Variants in PSPC1 observed in about 807,000 individuals in gnomAD.
PSPC1 encodes paraspeckle component 1.
In PSPC1, 14 loss-of-function variants were observed where a neutral mutation model predicts 51.6. The observed-to-expected ratio is 0.27, with a 90% confidence interval of 0.18 to 0.42. The LOEUF is 0.42. Ranked by LOEUF, PSPC1 falls within the 10% of genes least tolerant of loss-of-function variation. The pLI is 1.00. For synonymous variants in PSPC1, 193 were observed against 231.9 expected (o/e 0.83, Z 1.53); for missense variants, 406 against 701.1 (o/e 0.58, Z 4.75).
intron 3 of PSPC1, among the ~76,000 whole-genome samples, chr13:19,757,488 T>C (rs1887201087): frequency 6.6e-6 from 1 of 152,068 alleles, no homozygotes; most frequent in South Asian, 2.1e-4. Flanking sequence ...CCCATAAAGA[T>C]TTATGAGGAT....
At chr13:19,702,408 A>T (rs1462573173), downstream of PSPC1, 1 of 152,234 alleles carries the variant, frequency 6.6e-6, no homozygotes, top group Non-Finnish European at 1.5e-5. Flanking sequence ...TAATCGGGTA[A>T]GGTCTAGATA....
In PSPC1 at chr13:19,703,258, G is replaced by C; in HGVS notation, c.1489C>G (p.Pro497Ala). Residue 497 changes from proline to alanine, a missense_variant, in exon 9 of 9, where the codon CCT becomes GCT. By Grantham distance (27) the Pro-to-Ala change is conservative. Coordinates refer to ENST00000338910, the MANE Select transcript of PSPC1 (RefSeq NM_001354909.2). ...TPQAPMSGVG[P>A]VSGGPGGFGR... The stretch of plus-strand genomic sequence containing the variant: ...AAGCCACCAGGACCACCACTCACAG[G>C]ACCTACACCACTCATTGGTGCTTGA... The C allele has an allele frequency of 6.2e-7, 1 of 1,614,088 alleles. No individual in the cohort carries two copies. Among genetic ancestry groups the C allele is most frequent in the Non-Finnish European group, 8.5e-7 (1 of 1,179,992 alleles).
chr13:19,771,529 G>T (rs1472031148), intron 2 of PSPC1, among the ~76,000 whole-genome samples: 1 of 152,156 alleles, frequency 6.6e-6, no homozygotes, highest in Non-Finnish European at 1.5e-5. Context: ...TCTGCCTCCA[G>T]GGTTCAAGCA....
chr13:19,711,639 TAAAAAAAAAAA>T (rs143917566), intron 6 of PSPC1, among the ~76,000 whole-genome samples: 1 of 80,944 alleles, frequency 1.2e-5, no homozygotes, highest in Non-Finnish European at 2.2e-5. Context: ...CTCCGTCTCA[TAAAAAAAAAAA>T]AAAAAAAAAA....
chr13:19,780,983 A>C (rs1361322292), intron 1 of PSPC1, among the ~76,000 whole-genome samples: 2 of 151,658 alleles, frequency 1.3e-5, no homozygotes, highest in African/African-American at 4.8e-5. Flanking sequence ...ATGGCGAAAC[A>C]CCGCCTCTAC....
chr13:19,761,445 G>T (rs1487143198), intron 2 of PSPC1, among the ~76,000 whole-genome samples: 1 of 152,092 alleles, frequency 6.6e-6, no homozygotes, highest in African/African-American at 2.4e-5. Context: ...CTTCAAAACA[G>T]TGATGCTTCA....
chr13:19,729,915 T>A (rs1883840183), intron 6 of PSPC1, among the ~76,000 whole-genome samples: 1 of 152,306 alleles, frequency 6.6e-6, no homozygotes, highest in African/African-American at 2.4e-5. Flanking sequence ...ATAGAGATGT[T>A]TCAATATTAG....
At chr13:19,713,315 A>G (rs193173975) in intron 6 of PSPC1, among the ~76,000 whole-genome samples, 2 of 152,122 alleles carry the variant, frequency 1.3e-5, no homozygotes, top group Non-Finnish European at 2.9e-5. Flanking sequence ...ATGAAAACTC[A>G]GTTTTACATT....
intron 2 of PSPC1, among the ~76,000 whole-genome samples, chr13:19,762,941 A>G (rs1324889347): frequency 1.3e-5 from 2 of 152,054 alleles, no homozygotes; most frequent in East Asian, 3.9e-4. Context: ...CCCCGTCTCT[A>G]CTAAATACAA....
intron 4 of PSPC1, among the ~76,000 whole-genome samples, chr13:19,747,582 C>CT (rs1566023201): frequency 6.6e-6 from 1 of 152,168 alleles, no homozygotes; most frequent in Non-Finnish European, 1.5e-5. Flanking sequence ...ATCCTCCCAC[C>CT]TCAGCTTCCC....
At chr13:19,696,236 G>A (rs570882294) in intron 6 of PSPC1, among the ~76,000 whole-genome samples, 7 of 152,144 alleles carry the variant, frequency 4.6e-5, no homozygotes, top group East Asian at 3.9e-4. Context: ...GGTGATATCC[G>A]GATTACAATT....
intron 4 of PSPC1, among the ~76,000 whole-genome samples, chr13:19,750,281 A>C (rs1043450424): frequency 3.9e-5 from 6 of 152,038 alleles, no homozygotes; most frequent in Admixed American, 3.9e-4. Context: ...AATACAAAAA[A>C]ACTAGCCGGA....
intron 6 of PSPC1, among the ~76,000 whole-genome samples, chr13:19,686,955 G>C (rs901762512): frequency 1.3e-5 from 2 of 152,146 alleles, no homozygotes; most frequent in Non-Finnish European, 2.9e-5. Flanking sequence ...CCTGCACTTT[G>C]GGAGGCCAAG....
intron 6 of PSPC1, among the ~76,000 whole-genome samples, chr13:19,693,214 T>A (rs1043221762): frequency 5.9e-5 from 9 of 152,196 alleles, no homozygotes; most frequent in Non-Finnish European, 2.9e-5. Context: ...AACTATCAAG[T>A]ATCTACTCAC....
intron 4 of PSPC1, among the ~76,000 whole-genome samples, chr13:19,744,247 C>T (rs1885722970): frequency 1.3e-5 from 2 of 152,202 alleles, no homozygotes; most frequent in South Asian, 2.1e-4. Flanking sequence ...GAGATCTTCC[C>T]ACCTCAGTCT....
intron 3 of PSPC1, among the ~76,000 whole-genome samples, chr13:19,755,852 A>G (rs1453199177): frequency 6.6e-6 from 1 of 152,110 alleles, no homozygotes; most frequent in Non-Finnish European, 1.5e-5. Context: ...GTTGCTCTAA[A>G]TCCTAGTTAT....
intron 2 of PSPC1, among the ~76,000 whole-genome samples, chr13:19,767,323 A>C (rs550318249): frequency 1.2e-4 from 18 of 152,158 alleles, no homozygotes; most frequent in Non-Finnish European, 2.5e-4. Flanking sequence ...ATCAATGCTT[A>C]ATAGTCGAAA....
intron 6 of PSPC1, among the ~76,000 whole-genome samples, chr13:19,714,401 T>A (rs1727400846): frequency 6.6e-6 from 1 of 152,170 alleles, no homozygotes. Flanking sequence ...CTTAGGCCAA[T>A]GCATCAGTAT....
intron 4 of PSPC1, among the ~76,000 whole-genome samples, chr13:19,747,564 C>T (rs1274590743): frequency 6.6e-6 from 1 of 152,180 alleles, no homozygotes; most frequent in East Asian, 1.9e-4. Context: ...AACTGCTGGA[C>T]TCAAGCAATC....
Sources: gnomAD v4.1 joint callset for allele counts (sites outside exome capture counted in the v4.1 genomes callset) on GRCh38, gnomAD v4.1.1 for gene constraint, MANE v1.5 for transcripts, NCBI Gene and HGNC (gene_info 2026-07-23, HGNC 2026-07-21) for gene names.